The following ABCA13 variants were observed in gnomAD, a reference collection of about 807,000 sequenced individuals.
ABCA13 encodes ATP-binding cassette sub-family A member 13.
Under a neutral mutation model 478.7 loss-of-function variants are expected in ABCA13, and 476 were observed. The ratio of observed to expected loss-of-function variants is 0.99; its 90% CI spans 0.92 to 1.07. The LOEUF (loss-of-function observed/expected upper bound fraction) is 1.07, where lower values mean the gene tolerates loss of function less well. ABCA13 is among the 50% of genes least tolerant of loss of function. ABCA13 has a pLI of 0.00. For missense variants in ABCA13, 6,060 were observed against 5,910.6 expected, an observed-to-expected ratio of 1.03 and a Z score of -0.83; for synonymous variants, 2,252 against 2,158.9, an observed-to-expected ratio of 1.04 and a Z score of -1.20.
At chr7:48,227,241 G>A in intron 5 of ABCA13, 21 bp from the exon 6 acceptor site, 1 of 1,609,370 alleles carries the variant, frequency 6.2e-7, no homozygotes, top group Non-Finnish European at 8.5e-7. Flanking sequence ...GAAACTTTTG[G>A]TGTATTTTTT....
chr7:48,443,294 A>G lies in ABCA13; in HGVS notation c.12566-11743A>G, dbSNP rs144140987. The stretch of plus-strand genomic sequence containing the variant: ...AGTCACTTCCTTGCTGAGCTTACAC[A>G]TGGGCAATGTGAGAGTTCGGCTGGT... On this transcript the variant is annotated intron_variant, in intron 42 of 61. Transcript: ENST00000435803. 4.1e-3 allele frequency among the ~76,000 whole-genome samples: 618 copies of G among 152,316 alleles called. 3 individuals carry two copies. The highest frequency in any genetic ancestry group is 0.013 in the African/African-American group (537 of 41,568).
chr7:48,527,970 A>G (rs1832990157), intron 54 of ABCA13, among the ~76,000 whole-genome samples: 2 of 152,158 alleles, frequency 1.3e-5, no homozygotes, highest in African/African-American at 2.4e-5. Context: ...AGTTTTCCAC[A>G]CATGAATTTA....
At chr7:48,447,084 C>T (rs1412083303) in intron 42 of ABCA13, among the ~76,000 whole-genome samples, 2 of 152,180 alleles carry the variant, frequency 1.3e-5, no homozygotes, top group Non-Finnish European at 2.9e-5. Flanking sequence ...TAAATAGTTC[C>T]AAACCTCATC....
In ABCA13 at chr7:48,313,353, A is replaced by G. The variant is rs1222577731; in HGVS notation, c.9681+122A>G. ...CATTAGACAGCAAAATACAGGAATG[A>G]AAGTACCTTTTCATATCTCTGGAAG... On this transcript the variant is annotated intron_variant, in intron 25 of 61. Coordinates refer to ENST00000435803, the MANE Select transcript of ABCA13 (RefSeq NM_152701.5). The G allele has an allele frequency of 8.0e-6, 8 of 994,370 alleles. No homozygotes were observed. The South Asian group carries it at 1.0e-4, about 13-fold the overall frequency. The allele number at this position is 994,370 out of a possible 1,614,324, so 61.6% of individuals were successfully genotyped here.
intron 3 of ABCA13, among the ~76,000 whole-genome samples, chr7:48,216,897 T>C (rs994566172): frequency 3.3e-5 from 5 of 152,224 alleles, no homozygotes; most frequent in African/African-American, 1.2e-4. Flanking sequence ...TCCATGAGCA[T>C]GATATAGCTC....
At chr7:48,195,101 T>C (rs1275245621) in intron 2 of ABCA13, among the ~76,000 whole-genome samples, 1 of 152,074 alleles carries the variant, frequency 6.6e-6, no homozygotes, top group Non-Finnish European at 1.5e-5. Context: ...AACAAGAGAG[T>C]GCAGAGGAGA....
chr7:48,233,907 T>C, intron 7 of ABCA13, 111 bp from the exon 8 acceptor site: 1 of 1,272,744 alleles, frequency 7.9e-7, no homozygotes, highest in South Asian at 1.5e-5. Flanking sequence ...GTGTTTGGTC[T>C]TCATTTGCTC....
At chr7:48,481,188 T>G in intron 46 of ABCA13, 34 bp downstream of exon 46, 1 of 1,448,132 alleles carries the variant, frequency 6.9e-7, no homozygotes. Context: ...TCTTTACTTG[T>G]TTGGATTACT....
intron 42 of ABCA13, among the ~76,000 whole-genome samples, chr7:48,444,117 C>T (rs1823975407): frequency 6.6e-6 from 1 of 152,156 alleles, no homozygotes; most frequent in Admixed American, 6.5e-5. Flanking sequence ...GAATTCATTG[C>T]TCTCTGTTTT....
rs1317249915 is a variant in ABCA13, at chr7:48,219,405, C to CT, written c.344dup (p.Leu115PhefsTer47). 6.2e-7 allele frequency: 1 copy of CT among 1,612,484 alleles called. No individual in the cohort carries two copies. Among genetic ancestry groups the CT allele is most frequent in the South Asian group, 1.1e-5 (1 of 90,752 alleles). On this transcript the variant is annotated frameshift_variant, in exon 4 of 62. Transcript: ENST00000435803. LOFTEE classifies it high-confidence loss of function. ...ACCCCAAGAAAGTCAACAACCTGGC[C>CT]TTTTTAAAAGAGATACAAGACCTGG...
Position 48,274,000 on chromosome 7 carries a change from A to G in ABCA13, c.4334A>G (p.Lys1445Arg). Residue 1445 changes from lysine (K) to arginine (R), a missense_variant, in exon 17 of 62, where the codon AAA (lysine) becomes AGA (arginine). Around this residue, in one of 3 missense-constraint regions of ABCA13, gnomAD observed 4,423 missense variants for 4,309.1 expected, o/e 1.03. Transcript: ENST00000435803. ...LKIVTWVLNIKKPLCSSNGSH... is the reference protein window; with the variant it reads ...LKIVTWVLNIRKPLCSSNGSH... ...ATTGTAACTTGGGTGTTAAATATAAAAAAACCTCTTTGTTCATCAAATGGC... is the reference window on the plus strand; with the variant it reads ...ATTGTAACTTGGGTGTTAAATATAAGAAAACCTCTTTGTTCATCAAATGGC... 1.2e-6 allele frequency: 2 copies of G among 1,608,164 alleles called. No homozygotes were observed. The highest frequency in any genetic ancestry group is 1.7e-6 in the Non-Finnish European group (2 of 1,176,082).
intron 35 of ABCA13, among the ~76,000 whole-genome samples, chr7:48,376,777 G>A (rs1281300564): frequency 6.6e-6 from 1 of 152,116 alleles, no homozygotes; most frequent in African/African-American, 2.4e-5. Context: ...GGCCATGTGA[G>A]GGAATAGCCA....
intron 19 of ABCA13, among the ~76,000 whole-genome samples, chr7:48,287,347 G>A (rs1797909792): frequency 6.6e-6 from 1 of 152,192 alleles, no homozygotes; most frequent in Non-Finnish European, 1.5e-5. Context: ...AGATTGGAAG[G>A]GTGAGGTGGG....
chr7:48,514,270 C>T (rs1212555369), intron 51 of ABCA13, among the ~76,000 whole-genome samples: 1 of 152,140 alleles, frequency 6.6e-6, no homozygotes, highest in African/African-American at 2.4e-5. Flanking sequence ...GGTAGCTTTA[C>T]CTAAACTCCC....
chr7:48,449,497 A>C (rs1824728771), intron 42 of ABCA13, among the ~76,000 whole-genome samples: 1 of 152,200 alleles, frequency 6.6e-6, no homozygotes, highest in South Asian at 2.1e-4. Context: ...GAAGAAAATT[A>C]CCTGTCCAAA....
In ABCA13 at chr7:48,266,003, T is replaced by A. The variant is rs538063085; in HGVS notation, c.2006-2977T>A. Among the ~76,000 whole-genome samples, 156 of 151,924 alleles carry A rather than the reference T, an allele frequency of 1.0e-3. 3 individuals carry two copies. The highest frequency in any genetic ancestry group is 8.7e-3 in the South Asian group (42 of 4,826). On this transcript the variant is annotated intron_variant, in intron 15 of 61. Transcript: ENST00000435803. ...GATTTGTCAAATGTTTTTCTGCATCTATTGAGATGATTTTTCTTTTTAATT... is the reference window on the plus strand; with the variant it reads ...GATTTGTCAAATGTTTTTCTGCATCAATTGAGATGATTTTTCTTTTTAATT...
rs182544973 is a variant in ABCA13 at position 48,504,098 on chromosome 7, C to A, written c.13292-2238C>A. 8.3e-4 allele frequency among the ~76,000 whole-genome samples: 126 copies of A among 152,248 alleles called. 1 individual carries two copies. Among genetic ancestry groups the A allele is most frequent in the Non-Finnish European group, 1.8e-4 (12 of 68,022 alleles). On this transcript the variant is annotated intron_variant, in intron 48 of 61. Coordinates refer to ENST00000435803, the MANE Select transcript of ABCA13 (RefSeq NM_152701.5). ...GAAATTAAATTCAGCGTTGGACAGA[C>A]ATGAGGCAGGAGTGGGGTGTCAGCA...
chr7:48,361,751 G>T (rs1309336757), intron 31 of ABCA13, among the ~76,000 whole-genome samples: 1 of 151,578 alleles, frequency 6.6e-6, no homozygotes, highest in Admixed American at 6.6e-5. Flanking sequence ...TTTTCTAGAT[G>T]CATGCAGTAC....
At chr7:48,584,476 G>A (rs1788984785) in intron 56 of ABCA13, among the ~76,000 whole-genome samples, 1 of 152,176 alleles carries the variant, frequency 6.6e-6, no homozygotes, top group Admixed American at 6.5e-5. Context: ...CTTGTTTTCT[G>A]TCATGTCCCA....
Sources: gnomAD v4.1 joint callset for allele counts (sites outside exome capture counted in the v4.1 genomes callset) on GRCh38, gnomAD v4.1.1 for gene constraint, gnomAD v4.1.1 regional missense constraint, MANE v1.5 for transcripts, NCBI Gene and HGNC (gene_info 2026-07-23, HGNC 2026-07-21) for gene names.